ZFR: variants seen among roughly 807,000 people sequenced by gnomAD.
ZFR encodes zinc finger RNA binding protein, also known as zinc finger RNA-binding protein.
A neutral mutation model predicts 130.7 loss-of-function variants in ZFR; 19 were observed. The ratio of observed to expected loss-of-function variants is 0.15; its 90% CI spans 0.10 to 0.21. ZFR has a LOEUF of 0.21. Among genes scored for constraint, ZFR ranks in the 10% least tolerant of loss-of-function variants. The probability of loss-of-function intolerance (pLI) is 1.00; values close to 1 mark genes in which losing one functional copy is unlikely to be tolerated. For synonymous variants in ZFR, 466 were observed against 456.9 expected, an observed-to-expected ratio of 1.02 and a Z score of -0.25; for missense variants, 872 against 1,321.5, an observed-to-expected ratio of 0.66 and a Z score of 5.27.
intron 2 of ZFR, among the ~76,000 whole-genome samples, chr5:32,432,316 A>C (rs1754243471): frequency 1.3e-5 from 2 of 152,160 alleles, no homozygotes; most frequent in Non-Finnish European, 2.9e-5. Flanking sequence ...ACGGAATAAA[A>C]AATTGGGTTT....
intron 2 of ZFR, among the ~76,000 whole-genome samples, chr5:32,443,801 C>G (rs1754527711): frequency 1.3e-5 from 2 of 152,254 alleles, no homozygotes; most frequent in Non-Finnish European, 2.9e-5. Context: ...ACACGGCACT[C>G]CCCGTGAGGT....
chr5:32,427,157 T>A (rs1754091943), intron 2 of ZFR, among the ~76,000 whole-genome samples: 1 of 151,536 alleles, frequency 6.6e-6, no homozygotes, highest in Non-Finnish European at 1.5e-5. Flanking sequence ...TGTGGCTGGC[T>A]CAAGCCTGTA....
intron 2 of ZFR, among the ~76,000 whole-genome samples, chr5:32,443,390 C>G (rs1754514324): frequency 1.3e-5 from 2 of 152,394 alleles, no homozygotes; most frequent in South Asian, 4.1e-4. Flanking sequence ...TACAATCTCA[C>G]TTGCATCTTC....
chr5:32,415,233 A>G (rs754007000), intron 4 of ZFR, 46 bp from the exon 5 acceptor site: 1 of 1,514,460 alleles, frequency 6.6e-7, no homozygotes, highest in East Asian at 2.3e-5. Context: ...GTAAGCCACT[A>G]TAGTTACTGT....
At chr5:32,377,689 C>CAT (rs200647290) in intron 17 of ZFR, among the ~76,000 whole-genome samples, 1,661 of 151,786 alleles carry the variant, frequency 0.011, 27 homozygotes, top group African/African-American at 0.039. Context: ...AATTAGATAG[C>CAT]ATATATATAT....
chr5:32,413,640 T>C (rs1238415122), intron 5 of ZFR, among the ~76,000 whole-genome samples: 2 of 152,260 alleles, frequency 1.3e-5, no homozygotes, highest in African/African-American at 4.8e-5. Flanking sequence ...GCTACTCTGG[T>C]ACTTCCTATT....
chr5:32,404,212 T>C (rs1407628647), intron 6 of ZFR, 115 bp from the exon 7 acceptor site: 4 of 896,534 alleles, frequency 4.5e-6, no homozygotes, highest in Non-Finnish European at 5.0e-6. Flanking sequence ...AAACAAACTT[T>C]TTAAGTTGAA....
At chr5:32,390,879 GT>G (rs1359342938) in intron 11 of ZFR, among the ~76,000 whole-genome samples, 8 of 152,218 alleles carry the variant, frequency 5.3e-5, no homozygotes, top group Admixed American at 5.2e-4. Context: ...TAAATGGCAA[GT>G]CATAGTCAGT....
At chr5:32,372,541 A>C (rs1752696416) in intron 17 of ZFR, among the ~76,000 whole-genome samples, 1 of 152,116 alleles carries the variant, frequency 6.6e-6, no homozygotes, top group South Asian at 2.1e-4. Context: ...CTATTCAATA[A>C]GAAGCTGAGG....
At chr5:32,398,149 C>T (rs1422882504) in intron 9 of ZFR, among the ~76,000 whole-genome samples, 2 of 152,106 alleles carry the variant, frequency 1.3e-5, no homozygotes, top group Non-Finnish European at 2.9e-5. Context: ...AGCCACCATG[C>T]CTGGCCACTA....
chr5:32,440,729 A>C (rs1754453855), intron 2 of ZFR, among the ~76,000 whole-genome samples: 1 of 152,150 alleles, frequency 6.6e-6, no homozygotes. Context: ...AAGACTGAGA[A>C]ACGCTTACCA....
At chr5:32,423,197 G>A (rs1277705857) in intron 2 of ZFR, among the ~76,000 whole-genome samples, 5 of 152,074 alleles carry the variant, frequency 3.3e-5, no homozygotes, top group African/African-American at 1.2e-4. Flanking sequence ...GCCGCGTGTC[G>A]TGGCATGCAT....
At chr5:32,439,996 T>A (rs537070995) in intron 2 of ZFR, among the ~76,000 whole-genome samples, 104 of 152,106 alleles carry the variant, frequency 6.8e-4, no homozygotes, top group Admixed American at 1.8e-3. Flanking sequence ...TTAAAAAAAA[T>A]GATTTTTGAT....
At chr5:32,395,135 G>T in intron 11 of ZFR, 24 bp downstream of exon 11, 2 of 1,562,470 alleles carry the variant, frequency 1.3e-6, no homozygotes, top group African/African-American at 1.4e-5. Flanking sequence ...CACTTACCAG[G>T]CTATTAAAAG....
At chr5:32,371,463 T>C (rs1267113190) in intron 17 of ZFR, among the ~76,000 whole-genome samples, 2 of 152,158 alleles carry the variant, frequency 1.3e-5, no homozygotes, top group African/African-American at 4.8e-5. Context: ...ACAGAGAACA[T>C]TCCTTAAGAA....
At chr5:32,358,608 C>T (rs560260746) in intron 19 of ZFR, among the ~76,000 whole-genome samples, 5 of 151,034 alleles carry the variant, frequency 3.3e-5, no homozygotes, top group African/African-American at 4.9e-5. Context: ...CCAGCCTGGG[C>T]GACACGGCGA....
At chr5:32,374,917 T>C (rs990087682) in intron 17 of ZFR, among the ~76,000 whole-genome samples, 3 of 152,210 alleles carry the variant, frequency 2.0e-5, no homozygotes, top group Non-Finnish European at 2.9e-5. Flanking sequence ...AAACAAAGTT[T>C]TGATGCTACT....
At chr5:32,419,546 C>T (rs1753906809) in intron 3 of ZFR, among the ~76,000 whole-genome samples, 1 of 152,146 alleles carries the variant, frequency 6.6e-6, no homozygotes, top group Admixed American at 6.6e-5. Context: ...CCATGTTGGA[C>T]ACGCTGGTCT....
At chr5:32,420,694 A>G (rs1753934931) in intron 2 of ZFR, among the ~76,000 whole-genome samples, 1 of 152,208 alleles carries the variant, frequency 6.6e-6, no homozygotes, top group Admixed American at 6.5e-5. Context: ...CAAACTGCAG[A>G]GGAGGTGGTG....
Sources: gnomAD v4.1 joint callset for allele counts (sites outside exome capture counted in the v4.1 genomes callset) on GRCh38, gnomAD v4.1.1 for gene constraint, MANE v1.5 for transcripts, NCBI Gene and HGNC (gene_info 2026-07-23, HGNC 2026-07-21) for gene names.